PSG5: variants seen among roughly 807,000 people sequenced by gnomAD.
The protein encoded by PSG5 is pregnancy specific beta-1-glycoprotein 5.
Under a neutral mutation model 37.7 loss-of-function variants are expected in PSG5, and 53 were observed. The ratio of observed to expected loss-of-function variants is 1.41; its 90% CI spans 1.13 to 1.77. The LOEUF is 1.77. Among genes scored for constraint, PSG5 ranks in the 40% most tolerant of loss-of-function variants. The pLI is 0.00. For missense variants in PSG5, 547 were observed against 405.2 expected (o/e 1.35, Z -3.00); for synonymous variants, 221 against 155.4 (o/e 1.42, Z -3.14).
At chr19:43,179,163 C>A (rs748151306) in intron 2 of PSG5, 1 of 1,584,038 alleles carries the variant, frequency 6.3e-7, no homozygotes, top group Non-Finnish European at 8.7e-7. Context: ...TTCCACTTTG[C>A]AGAAAACAGA....
intron 2 of PSG5, chr19:43,180,703 T>C (rs1488063491): frequency 2.6e-5 from 4 of 151,638 alleles, no homozygotes; most frequent in African/African-American, 9.7e-5. Context: ...AGTATTTCTC[T>C]TGAGACCAAA....
intron 2 of PSG5, among the ~76,000 whole-genome samples, chr19:43,176,606 C>T (rs532594343): frequency 1.3e-5 from 2 of 151,450 alleles, no homozygotes; most frequent in South Asian, 2.1e-4. Flanking sequence ...ATGGGACTTC[C>T]CATTGTCCTG....
At chr19:43,178,107 C>T (rs553344853) in intron 2 of PSG5, among the ~76,000 whole-genome samples, 18 of 151,668 alleles carry the variant, frequency 1.2e-4, no homozygotes, top group Admixed American at 4.6e-4. Flanking sequence ...CAGAAACATA[C>T]TCCCTGTGCT....
At chr19:43,179,542 C>T (rs1261000032) in intron 2 of PSG5, among the ~76,000 whole-genome samples, 3 of 151,706 alleles carry the variant, frequency 2.0e-5, no homozygotes, top group Admixed American at 1.3e-4. Flanking sequence ...CTTACTTTGT[C>T]CCCCGAGGTA....
Position 43,175,460 on chromosome 19 carries a change from T to C in PSG5, c.719A>G (p.Asp240Gly). The part of the protein sequence containing the change: ...PVTLNVLYGP[D>G]LPSIYPSFTY... ...GAATGAAGGGTAAATGCTGGGGAGGTCTGGACCATCTGGAGCAAAGAGAAT... is the reference window on the plus strand; with the variant it reads ...GAATGAAGGGTAAATGCTGGGGAGGCCTGGACCATCTGGAGCAAAGAGAAT... Residue 240 changes from aspartate (D) to glycine (G), a missense_variant, in exon 4 of 6, where the codon GAC becomes GGC. By Grantham distance (94) the Asp-to-Gly change is moderately conservative. Coordinates refer to ENST00000342951, the MANE Select transcript of PSG5 (RefSeq NM_002781.4). 3 of 1,605,996 alleles carry C rather than the reference T, an allele frequency of 1.9e-6. No individual in the cohort carries two copies. The highest frequency in any genetic ancestry group is 2.6e-6 in the Non-Finnish European group (3 of 1,175,930).
At chr19:43,177,435 C>T (rs907694105) in intron 2 of PSG5, among the ~76,000 whole-genome samples, 1 of 151,398 alleles carries the variant, frequency 6.6e-6, no homozygotes, top group African/African-American at 2.4e-5. Context: ...TAAAATGCTC[C>T]AGTGAGCATT....
chr19:43,170,645 C>G lies in PSG5; in HGVS notation c.965-507G>C, dbSNP rs1234987694. On this transcript the variant is annotated intron_variant, in intron 4 of 5. Coordinates refer to ENST00000342951, the MANE Select transcript of PSG5 (RefSeq NM_002781.4). Reference sequence around the variant, plus strand: ...AAAGCAAGCCTAGTTCTCTGAGGCTCTCTTTAACTCTAAAGGGTGACTGGT... The same window carrying G: ...AAAGCAAGCCTAGTTCTCTGAGGCTGTCTTTAACTCTAAAGGGTGACTGGT... The G allele has an allele frequency of 1.7e-5, 4 of 242,344 alleles. No homozygotes were observed. The South Asian group carries it at 2.4e-4, about 14-fold the overall frequency. The allele number at this position is 242,344 out of a possible 1,614,324, so 15.0% of individuals were successfully genotyped here.
chr19:43,179,683 G>A (rs1189543794), intron 2 of PSG5, among the ~76,000 whole-genome samples: 1 of 151,680 alleles, frequency 6.6e-6, no homozygotes, highest in African/African-American at 2.4e-5. Context: ...ATAACACAGG[G>A]GAGACCAGAG....
intron 2 of PSG5, among the ~76,000 whole-genome samples, chr19:43,182,741 A>T: frequency 7.8e-6 from 1 of 127,826 alleles, no homozygotes; most frequent in Admixed American, 7.9e-5. Flanking sequence ...AGGCCAGAAG[A>T]TCTTGCCTGG....
Position 43,184,976 on chromosome 19 carries a change from A to G in PSG5, c.236T>C (p.Ile79Thr), listed in dbSNP as rs745707177. The G allele has an allele frequency of 9.4e-5, 152 of 1,612,300 alleles. 2 individuals carry two copies. Among genetic ancestry groups the G allele is most frequent in the Non-Finnish European group, 1.2e-4 (144 of 1,179,062 alleles). ...TTGACCGTCTACTACATATGATGTA[A>G]TGTAATGGTAGAGGTCCATCAGTTG... is the stretch of plus-strand genomic sequence containing the variant. ...KGQLMDLYHY[I>T]TSYVVDGQIN... is the part of the protein sequence containing the mutation. The change falls in exon 2 of 6, where the codon ATT (isoleucine) becomes ACT (threonine). Residue 79 changes from isoleucine (I) to threonine (T), a missense_variant. By Grantham distance (89) the Ile-to-Thr change is moderately conservative. Transcript: ENST00000342951.
rs145140495 is a variant in PSG5 at position 43,169,957 on chromosome 19, G to C, written c.*40+98C>G. On this transcript the variant is annotated intron_variant, in intron 5 of 5. Coordinates refer to ENST00000342951, the MANE Select transcript of PSG5 (RefSeq NM_002781.4). The stretch of plus-strand genomic sequence containing the variant: ...AGCAGGAGTTTAGTGGAGGAAGGAG[G>C]AGATGCAGTCCCAGATACAAGCAAA... 980 of 712,666 alleles carry C rather than the reference G, an allele frequency of 1.4e-3. 27 individuals carry two copies. In the African/African-American group the frequency reaches 0.017, roughly 12 times the overall value. 44.1% of individuals were successfully genotyped at this position (712,666 alleles called of 1,614,324 possible). A position where few individuals can be genotyped will look rare whatever the true frequency, so the allele number is the denominator to read the frequency against.
At chr19:43,180,139 A>G (rs1374394564) in intron 2 of PSG5, among the ~76,000 whole-genome samples, 1 of 151,582 alleles carries the variant, frequency 6.6e-6, no homozygotes, top group Non-Finnish European at 1.5e-5. Context: ...TACTCTATGT[A>G]CCTCATATCA....
Position 43,175,903 on chromosome 19 carries a change from T to G in PSG5, c.676A>C (p.Met226Leu). ...ECEIRDRDGG[M>L]RSDPVTLNVL... ...TTCAGGGTGACTGGGTCACTGCGCA[T>G]GCCACCATCTCGGTCCCGTATTTCA... is the stretch of plus-strand genomic sequence containing the variant. The change falls in exon 3 of 6, where the codon ATG becomes CTG. Residue 226 changes from methionine (M) to leucine (L), a missense_variant. Coordinates refer to ENST00000342951, the MANE Select transcript of PSG5 (RefSeq NM_002781.4). 1 of 1,612,520 alleles carries G rather than the reference T, an allele frequency of 6.2e-7. No homozygotes were observed. The highest frequency in any genetic ancestry group is 8.5e-7 in the Non-Finnish European group (1 of 1,179,172).
In PSG5 at chr19:43,168,102, A is replaced by C. The variant is rs555178330; in HGVS notation, c.*142T>G. 5 of 446,590 alleles carry C rather than the reference A, an allele frequency of 1.1e-5. No homozygotes were observed. Among genetic ancestry groups the C allele is most frequent in the African/African-American group, 6.1e-5 (3 of 48,954 alleles). 27.7% of individuals were successfully genotyped at this position (446,590 alleles called of 1,614,324 possible). On this transcript the variant is annotated 3_prime_UTR_variant, in exon 6 of 6. Transcript: ENST00000342951. ...TTGAAGTTATCAGGAACTTGTATTC[A>C]AGAGTCCTTGTCAGAGTCTTTTCCA...
Position 43,183,738 on chromosome 19 carries a change from C to G in PSG5, c.430+1044G>C, listed in dbSNP as rs575546116. 3.7e-3 allele frequency among the ~76,000 whole-genome samples: 551 copies of G among 150,364 alleles called. 7 individuals carry two copies. Among genetic ancestry groups the G allele is most frequent in the African/African-American group, 0.013 (521 of 40,806 alleles). On this transcript the variant is annotated intron_variant, in intron 2 of 5. Transcript: ENST00000342951. Reference sequence around the variant, plus strand: ...TTGAGCCAATAAATGACTATGGGGTCCTTGGAACCCAGTAAGCCCTCACTT... The same window carrying G: ...TTGAGCCAATAAATGACTATGGGGTGCTTGGAACCCAGTAAGCCCTCACTT...
Position 43,184,765 on chromosome 19 carries a change from C to A in PSG5, c.430+17G>T, listed in dbSNP as rs765190984. The A allele has an allele frequency of 1.2e-6, 2 of 1,611,860 alleles. No homozygotes were observed. The highest frequency in any genetic ancestry group is 1.7e-6 in the Non-Finnish European group (2 of 1,178,724). ...CCCCTGTCCCCCAACACCCAGGGAT[C>A]ATGTGGAATCACTCACGGTATAAGT... On this transcript the variant is annotated intron_variant, in intron 2 of 5. Coordinates refer to ENST00000342951, the MANE Select transcript of PSG5 (RefSeq NM_002781.4).
chr19:43,176,117 G>A lies in PSG5; in HGVS notation c.462C>T (p.Asn154=). The A allele has an allele frequency of 1.9e-6, 3 of 1,610,866 alleles. No individual in the cohort carries two copies. The highest frequency in any genetic ancestry group is 2.5e-6 in the Non-Finnish European group (3 of 1,178,990). The stretch of plus-strand genomic sequence containing the variant: ...CCTTATTCTCCCTGGGTTTTGAGTT[G>A]TTGATGGTGATGTAGGGCTTGGGCA... ...LKLPKPYITI[N]NSKPRENKDV... The change falls in exon 3 of 6, where the codon AAC becomes AAT. Residue 154 remains asparagine, a synonymous_variant. Coordinates refer to ENST00000342951, the MANE Select transcript of PSG5 (RefSeq NM_002781.4).
chr19:43,171,186 G>A (rs1968898429), intron 4 of PSG5: 1 of 151,530 alleles, frequency 6.6e-6, no homozygotes, highest in African/African-American at 2.4e-5. Flanking sequence ...AGTGACAGGT[G>A]GATCTGAAAT....
At chr19:43,170,211 A>C in intron 4 of PSG5, 73 bp from the exon 5 acceptor site, 1 of 1,274,790 alleles carries the variant, frequency 7.8e-7, no homozygotes, top group Non-Finnish European at 1.1e-6. Context: ...AGGAAGAGGC[A>C]TGTAGCATGA....
Sources: allele counts gnomAD v4.1 joint callset (sites outside exome capture counted in the v4.1 genomes callset), GRCh38; gene constraint gnomAD v4.1.1; transcripts MANE v1.5; gene names NCBI Gene and HGNC (gene_info 2026-07-23, HGNC 2026-07-21).